Variants in SCRG1 observed in about 807,000 individuals in gnomAD.
The protein encoded by SCRG1 is scrapie-responsive protein 1.
SCRG1 carries 3 observed loss-of-function variants against 7.7 expected under a neutral mutation model. That is an observed-to-expected ratio of 0.39 (90% CI 0.18 to 1.01). SCRG1 has a LOEUF of 1.01. Ranked by LOEUF, SCRG1 falls within the 50% of genes least tolerant of loss-of-function variation. The pLI is 0.36. For synonymous variants in SCRG1, 46 were observed against 41.2 expected, an observed-to-expected ratio of 1.12 and a Z score of -0.44; for missense variants, 110 against 117.2, an observed-to-expected ratio of 0.94 and a Z score of 0.28.
the SCRG1 span, among the ~76,000 whole-genome samples, chr4:173,484,971 T>C: frequency 2.2e-5 from 1 of 46,204 alleles, no homozygotes; most frequent in Admixed American, 4.5e-4. Flanking sequence ...ATATTATATA[T>C]AATATTATAA....
the SCRG1 span, among the ~76,000 whole-genome samples, chr4:173,439,613 AATT>A: frequency 0.028 from 4,253 of 151,738 alleles, 167 homozygotes; most frequent in African/African-American, 0.089. Context: ...TAATTTCAAA[AATT>A]ATTATAAATA....
At chr4:173,479,709 G>A in the SCRG1 span, among the ~76,000 whole-genome samples, 2 of 151,960 alleles carry the variant, frequency 1.3e-5, no homozygotes, top group Non-Finnish European at 2.9e-5. Context: ...GAAATTGCTG[G>A]GATTACAGGC....
the SCRG1 span, among the ~76,000 whole-genome samples, chr4:173,415,307 T>C: frequency 6.6e-6 from 1 of 152,168 alleles, no homozygotes; most frequent in Non-Finnish European, 1.5e-5. Flanking sequence ...GAGGTTTCAG[T>C]TGGGTAAAGA....
chr4:173,427,496 A>C, the SCRG1 span, among the ~76,000 whole-genome samples: 1 of 152,260 alleles, frequency 6.6e-6, no homozygotes, highest in Admixed American at 6.5e-5. Context: ...TTTATTCTGC[A>C]TCTTGTCTGA....
At chr4:173,401,224 C>T (rs553083251), upstream of SCRG1, among the ~76,000 whole-genome samples, 8 of 152,254 alleles carry the variant, frequency 5.3e-5, no homozygotes, top group Middle Eastern at 3.4e-3. Context: ...GAGGTGTGTG[C>T]GCAATGGACT....
chr4:173,398,292 C>G (rs1205794382), intron 1 of SCRG1: 1 of 152,176 alleles, frequency 6.6e-6, no homozygotes, highest in Non-Finnish European at 1.5e-5. Flanking sequence ...AATCCACATC[C>G]TCCCTAAAAG....
chr4:173,471,428 C>A, the SCRG1 span, among the ~76,000 whole-genome samples: 1 of 152,138 alleles, frequency 6.6e-6, no homozygotes, highest in Non-Finnish European at 1.5e-5. Context: ...CAAAGGATCA[C>A]CCCATCCTGG....
At chr4:173,418,095 A>C in the SCRG1 span, among the ~76,000 whole-genome samples, 1 of 152,224 alleles carries the variant, frequency 6.6e-6, no homozygotes, top group Non-Finnish European at 1.5e-5. Flanking sequence ...ATCCCAAAAA[A>C]TAAAAGATAA....
At chr4:173,416,635 A>G in the SCRG1 span, among the ~76,000 whole-genome samples, 9 of 152,124 alleles carry the variant, frequency 5.9e-5, no homozygotes, top group African/African-American at 2.2e-4. Context: ...TAATAAAAAT[A>G]AATTATTTTA....
At chr4:173,445,536 C>T in the SCRG1 span, among the ~76,000 whole-genome samples, 4 of 146,074 alleles carry the variant, frequency 2.7e-5, no homozygotes, top group East Asian at 4.2e-4. Context: ...GAGCCGATAT[C>T]GTGCCACTGC....
the SCRG1 span, among the ~76,000 whole-genome samples, chr4:173,441,780 C>G: frequency 6.6e-6 from 1 of 152,150 alleles, no homozygotes; most frequent in Non-Finnish European, 1.5e-5. Flanking sequence ...AAGGCTGAAG[C>G]AGGAGGATCA....
At chr4:173,511,241 G>C in the SCRG1 span, among the ~76,000 whole-genome samples, 1 of 152,116 alleles carries the variant, frequency 6.6e-6, no homozygotes, top group Non-Finnish European at 1.5e-5. This position sits in a 1 kb window ranked among gnomAD's most constrained non-coding sequence, Gnocchi z 5.2. Context: ...ACCTCCCAAA[G>C]TGCTGGGATT....
At chr4:173,434,379 T>C in the SCRG1 span, among the ~76,000 whole-genome samples, 1 of 152,188 alleles carries the variant, frequency 6.6e-6, no homozygotes, top group Non-Finnish European at 1.5e-5. Flanking sequence ...AAAGGAATCC[T>C]TTCTCAGGCC....
the SCRG1 span, among the ~76,000 whole-genome samples, chr4:173,498,229 C>T: frequency 2.2e-4 from 33 of 152,318 alleles, 1 homozygote; most frequent in East Asian, 4.6e-3. Context: ...GAACTGAAAC[C>T]TTGTCCCAAT....
chr4:173,394,440 C>T (rs1018159763), intron 1 of SCRG1, among the ~76,000 whole-genome samples: 12 of 152,028 alleles, frequency 7.9e-5, no homozygotes, highest in Admixed American at 6.6e-5. Flanking sequence ...GTCAGGAGAT[C>T]GAGACCATCC....
At chr4:173,476,354 G>GAAAAAAAA in the SCRG1 span, among the ~76,000 whole-genome samples, 48 of 70,032 alleles carry the variant, frequency 6.9e-4, no homozygotes, top group Non-Finnish European at 8.2e-4. Context: ...CTCTGAGGGG[G>GAAAAAAAA]AAAAAAAAAA....
the SCRG1 span, among the ~76,000 whole-genome samples, chr4:173,499,401 G>A: frequency 2.0e-5 from 3 of 152,214 alleles, no homozygotes; most frequent in African/African-American, 7.2e-5. This position sits in a 1 kb window ranked among gnomAD's most constrained non-coding sequence, Gnocchi z 4.1. Flanking sequence ...TTTAAAAACT[G>A]GGATAGTGGT....
chr4:173,501,360 C>G, the SCRG1 span, among the ~76,000 whole-genome samples: 1 of 152,230 alleles, frequency 6.6e-6, no homozygotes, highest in African/African-American at 2.4e-5. This position sits in a 1 kb window ranked among gnomAD's most constrained non-coding sequence, Gnocchi z 5.1. Flanking sequence ...TCTGCGTTTG[C>G]TCTCGGCCGC....
chr4:173,483,242 G>GATATATCATATAATATATATATT, the SCRG1 span, among the ~76,000 whole-genome samples: 1 of 55,946 alleles, frequency 1.8e-5, no homozygotes, highest in African/African-American at 8.2e-5. Flanking sequence ...TATAATATAT[G>GATATATCATATAATATATATATT]ATATATCATA....
Sources: gnomAD v4.1 joint callset for allele counts (sites outside exome capture counted in the v4.1 genomes callset) on GRCh38, gnomAD v4.1.1 for gene constraint, Gnocchi (gnomAD v3.1) non-coding constraint, MANE v1.5 for transcripts, NCBI Gene and HGNC (gene_info 2026-07-23, HGNC 2026-07-21) for gene names.